The following CCDC102B variants were observed in gnomAD, a reference collection of about 807,000 sequenced individuals.
The protein encoded by CCDC102B is coiled-coil domain containing 102B, also known as coiled-coil domain-containing protein 102B.
CCDC102B carries 75 observed loss-of-function variants against 57.4 expected under a neutral mutation model. The ratio of observed to expected loss-of-function variants is 1.31; its 90% CI spans 1.08 to 1.58. The LOEUF (loss-of-function observed/expected upper bound fraction) is 1.58, where lower values mean the gene tolerates loss of function less well. CCDC102B is among the 40% of genes most tolerant of loss of function. The probability of loss-of-function intolerance (pLI) is 0.00; values close to 1 mark genes in which losing one functional copy is unlikely to be tolerated. For synonymous variants in CCDC102B, 206 were observed against 201.9 expected (o/e 1.02, Z -0.17); for missense variants, 636 against 582.6 (o/e 1.09, Z -0.94).
intron 1 of CCDC102B, among the ~76,000 whole-genome samples, chr18:68,799,873 G>A (rs17079716): frequency 0.3 from 45,457 of 151,914 alleles, 7,018 homozygotes; most frequent in East Asian, 0.5. Flanking sequence ...CATAGAACAG[G>A]AAAAATTGAT....
rs138472517 is a variant in CCDC102B, at chr18:69,032,243, G to C, written c.1434+21139G>C. On this transcript the variant is annotated intron_variant, in intron 7 of 7. Coordinates refer to ENST00000360242, the MANE Select transcript of CCDC102B (RefSeq NM_024781.3). ...ATCTGTTGTGCATTAATTGTGCAAA[G>C]ATAAAATAGTGAATGATGGATTATT... Among the ~76,000 whole-genome samples the C allele has an allele frequency of 1.4e-4, 21 of 152,256 alleles. No homozygotes were observed. The East Asian group carries it at 3.9e-3, about 28-fold the overall frequency.
intron 6 of CCDC102B, among the ~76,000 whole-genome samples, chr18:68,904,785 A>C (rs992716097): frequency 2.6e-5 from 4 of 152,202 alleles, no homozygotes; most frequent in African/African-American, 9.6e-5. Context: ...GCTGAAGCAA[A>C]CTTAAGTGGA....
At chr18:68,879,648 C>A (rs138880734) in intron 5 of CCDC102B, among the ~76,000 whole-genome samples, 9 of 151,188 alleles carry the variant, frequency 6.0e-5, no homozygotes, top group Non-Finnish European at 1.2e-4. Flanking sequence ...AGACACAGGG[C>A]GCTGATTGGT....
At chr18:68,794,827 C>T (rs1014130483), upstream of CCDC102B, among the ~76,000 whole-genome samples, 2 of 151,688 alleles carry the variant, frequency 1.3e-5, no homozygotes, top group African/African-American at 4.8e-5. Flanking sequence ...CTGAGAGGTC[C>T]CATGCTATCA....
chr18:68,759,297 C>A (rs917336018), intron 2 of CCDC102B, among the ~76,000 whole-genome samples: 3 of 151,930 alleles, frequency 2.0e-5, no homozygotes, highest in Non-Finnish European at 2.9e-5. Context: ...ATGTTTAACA[C>A]AATAATCAAG....
chr18:68,910,059 G>GCC (rs1043114274), intron 6 of CCDC102B, among the ~76,000 whole-genome samples: 19 of 152,148 alleles, frequency 1.2e-4, no homozygotes, highest in African/African-American at 4.1e-4. Context: ...GGAGGATGAG[G>GCC]AGGAGGATCA....
At chr18:68,965,426 T>G (rs567193769) in intron 6 of CCDC102B, among the ~76,000 whole-genome samples, 3 of 151,854 alleles carry the variant, frequency 2.0e-5, no homozygotes, top group South Asian at 4.1e-4. Flanking sequence ...TTACTTTATA[T>G]TGAGACTTTC....
At chr18:68,906,411 A>G (rs1361781359) in intron 6 of CCDC102B, among the ~76,000 whole-genome samples, 3 of 152,248 alleles carry the variant, frequency 2.0e-5, no homozygotes, top group African/African-American at 7.2e-5. Flanking sequence ...ATTGTATTCC[A>G]TAATGGCGGA....
At chr18:68,977,401 G>T (rs868656555) in intron 6 of CCDC102B, among the ~76,000 whole-genome samples, 7 of 151,950 alleles carry the variant, frequency 4.6e-5, no homozygotes, top group South Asian at 2.1e-4. Context: ...TTCTCCTAAC[G>T]CTATCCCTCC....
chr18:69,054,849 C>T lies in CCDC102B; in HGVS notation c.*712C>T, dbSNP rs141417305. On this transcript the variant is annotated 3_prime_UTR_variant, in exon 8 of 8. Transcript: ENST00000360242. The stretch of plus-strand genomic sequence containing the variant: ...GAAAGGCATCAGCATTGCAAAGTAG[C>T]ATCTAGGTAGAAATCAGGCCAAAAT... 7.9e-4 allele frequency: 778 copies of T among 985,276 alleles called. 4 individuals carry two copies. The African/African-American group carries it at 9.2e-3, about 12-fold the overall frequency. 61.0% of individuals were successfully genotyped at this position (985,276 alleles called of 1,614,324 possible). A position where few individuals can be genotyped will look rare whatever the true frequency, so the allele number is the denominator to read the frequency against.
intron 6 of CCDC102B, among the ~76,000 whole-genome samples, chr18:68,973,945 C>T (rs17080007): frequency 0.024 from 3,691 of 152,106 alleles, 119 homozygotes; most frequent in East Asian, 0.15. Context: ...GGCATCTTAG[C>T]GGCTGCAACA....
At chr18:69,008,051 C>T (rs560120107) in intron 6 of CCDC102B, among the ~76,000 whole-genome samples, 5 of 152,166 alleles carry the variant, frequency 3.3e-5, no homozygotes, top group Non-Finnish European at 5.9e-5. Flanking sequence ...TGCGTAATTC[C>T]GGAGAGAAAG....
At chr18:68,772,512 T>A (rs1022467082) in intron 2 of CCDC102B, among the ~76,000 whole-genome samples, 1 of 152,134 alleles carries the variant, frequency 6.6e-6, no homozygotes, top group Non-Finnish European at 1.5e-5. Context: ...ATGGCCAACT[T>A]TCTGTTTTGC....
intron 2 of CCDC102B, among the ~76,000 whole-genome samples, chr18:68,762,351 T>A (rs1341001252): frequency 6.6e-6 from 1 of 152,134 alleles, no homozygotes; most frequent in Non-Finnish European, 1.5e-5. Flanking sequence ...TTTGAAATAT[T>A]CCTTGACACT....
intron 6 of CCDC102B, among the ~76,000 whole-genome samples, chr18:68,972,862 A>G (rs888666718): frequency 1.3e-5 from 2 of 152,118 alleles, no homozygotes; most frequent in Admixed American, 6.6e-5. Flanking sequence ...AAAATGTTTT[A>G]TCTTTGTTTA....
intron 6 of CCDC102B, among the ~76,000 whole-genome samples, chr18:68,917,125 T>A (rs1395579331): frequency 1.3e-5 from 2 of 152,232 alleles, no homozygotes; most frequent in Non-Finnish European, 2.9e-5. Context: ...TTTGTTTGGT[T>A]AACGTTTGTA....
chr18:68,866,853 G>A, intron 4 of CCDC102B: 1 of 688,230 alleles, frequency 1.5e-6, no homozygotes, highest in South Asian at 1.4e-5. Context: ...GGCCAGCACT[G>A]ATCCACCACA....
chr18:69,036,000 G>C (rs1351301415), intron 7 of CCDC102B, among the ~76,000 whole-genome samples: 2 of 152,076 alleles, frequency 1.3e-5, no homozygotes, highest in African/African-American at 4.8e-5. Context: ...ACACTTGCCA[G>C]AATCCCCGAT....
intron 5 of CCDC102B, among the ~76,000 whole-genome samples, chr18:68,875,287 A>C (rs888802511): frequency 6.6e-6 from 1 of 152,154 alleles, no homozygotes; most frequent in African/African-American, 2.4e-5. Context: ...ACAATAAATG[A>C]ATTTTCGCAA....
Sources: allele counts gnomAD v4.1 joint callset (sites outside exome capture counted in the v4.1 genomes callset), GRCh38; gene constraint gnomAD v4.1.1; transcripts MANE v1.5; gene names NCBI Gene and HGNC (gene_info 2026-07-23, HGNC 2026-07-21).